Variants in AIG1 observed in about 807,000 individuals in gnomAD.
The protein encoded by AIG1 is androgen-induced gene 1 protein.
In AIG1, 23 loss-of-function variants were observed where a neutral mutation model predicts 31.4. The ratio of observed to expected loss-of-function variants is 0.73; its 90% confidence interval spans 0.53 to 1.04. AIG1 has a LOEUF of 1.04. Among genes scored for constraint, AIG1 ranks in the 50% least tolerant of loss-of-function variants. The probability of loss-of-function intolerance (pLI) is 0.00; values close to 1 mark genes in which losing one functional copy is unlikely to be tolerated. For missense variants in AIG1, 274 were observed against 295.0 expected (o/e 0.93, Z 0.52); for synonymous variants, 100 against 110.5 (o/e 0.90, Z 0.60).
chr6:143,078,166 A>AT (rs1196786284), intron 1 of AIG1, among the ~76,000 whole-genome samples: 3 of 152,060 alleles, frequency 2.0e-5, no homozygotes, highest in African/African-American at 7.3e-5. Context: ...CATCTAGTGG[A>AT]TTTTTAAATT....
intron 4 of AIG1, among the ~76,000 whole-genome samples, chr6:143,315,871 T>C (rs1238172292): frequency 6.6e-6 from 1 of 152,028 alleles, no homozygotes; most frequent in African/African-American, 2.4e-5. Context: ...ATTTAGTTTC[T>C]CAAAATATGA....
Position 143,284,259 on chromosome 6 carries a change from A to G in AIG1, c.515+34A>G. 4.0e-6 allele frequency: 6 copies of G among 1,515,850 alleles called. No homozygotes were observed. Among genetic ancestry groups the G allele is most frequent in the Non-Finnish European group, 5.5e-6 (6 of 1,096,922 alleles). The allele number at this position is 1,515,850 out of a possible 1,614,324, so 93.9% of individuals were successfully genotyped here. The stretch of plus-strand genomic sequence containing the variant: ...CATGCCTGCTGGGCTTTCTTATTGT[A>G]TTAGATTTTGCACTGCTAAATTTGG... On this transcript the variant is annotated intron_variant, in intron 4 of 5. Transcript: ENST00000357847. This position sits in a 1 kb window ranked among gnomAD's most constrained non-coding sequence, Gnocchi z 4.4.
At position 143,256,971 on chromosome 6, in the gene AIG1, A is replaced by G. The variant is rs1795414630; in HGVS notation, c.400-27139A>G. On this transcript the variant is annotated intron_variant, in intron 3 of 5. Transcript: ENST00000357847. The surrounding 1 kb of genome is among the most constrained non-coding windows in gnomAD (Gnocchi z 4.6). ...GAGGCTAGAAATCTTAAATGATATAATTGGCTTTGGAAGCATTTTTAAGCT... is the reference window on the plus strand; with the variant it reads ...GAGGCTAGAAATCTTAAATGATATAGTTGGCTTTGGAAGCATTTTTAAGCT... 1.3e-5 allele frequency among the ~76,000 whole-genome samples: 2 copies of G among 152,302 alleles called. No individual in the cohort carries two copies. The highest frequency in any genetic ancestry group is 1.9e-4 in the East Asian group (1 of 5,182).
chr6:143,176,350 A>G (rs1398054659), intron 3 of AIG1, among the ~76,000 whole-genome samples: 1 of 151,912 alleles, frequency 6.6e-6, no homozygotes, highest in Non-Finnish European at 1.5e-5. Context: ...AACTTACCCT[A>G]GGGTCGCCTT....
Position 143,327,657 on chromosome 6 carries a change from T to C in AIG1, c.516-5625T>C, listed in dbSNP as rs879650762. On this transcript the variant is annotated intron_variant, in intron 4 of 5. Transcript: ENST00000357847. The surrounding 1 kb of genome is among the most constrained non-coding windows in gnomAD (Gnocchi z 5.3). ...ATAGTCAATGTGGATGAGAACTAAC[T>C]GCTGATTGTCAAATACATCAAATAA... is the stretch of plus-strand genomic sequence containing the variant. 7.1e-5 allele frequency: 15 copies of C among 210,352 alleles called. No homozygotes were observed. The highest frequency in any genetic ancestry group is 1.1e-4 in the Non-Finnish European group (12 of 106,214). 13.0% of individuals were successfully genotyped at this position (210,352 alleles called of 1,614,324 possible).
intron 1 of AIG1, among the ~76,000 whole-genome samples, chr6:143,100,883 C>T (rs1171811815): frequency 1.3e-5 from 2 of 152,054 alleles, no homozygotes; most frequent in Non-Finnish European, 2.9e-5. Flanking sequence ...TGGGGTTTCA[C>T]CATGTTGGCC....
chr6:143,122,401 T>A (rs945413538), intron 1 of AIG1, among the ~76,000 whole-genome samples: 1 of 151,954 alleles, frequency 6.6e-6, no homozygotes, highest in African/African-American at 2.4e-5. Context: ...TTTGTAAGAA[T>A]AGAAAGGTAA....
chr6:143,157,544 C>A (rs1429432647), intron 2 of AIG1, among the ~76,000 whole-genome samples: 1 of 151,310 alleles, frequency 6.6e-6, no homozygotes, highest in Non-Finnish European at 1.5e-5. Context: ...TTATTTAGCA[C>A]CTAGTGTTTC....
In AIG1 at chr6:143,293,603, G is replaced by A. The variant is rs11753048; in HGVS notation, c.515+9378G>A. Among the ~76,000 whole-genome samples, 41,480 of 152,042 alleles carry A rather than the reference G, an allele frequency of 0.27. 7,338 individuals carry two copies. The highest frequency in any genetic ancestry group is 0.5 in the African/African-American group (20,638 of 41,404). ...ACCTGCATCTGGACAGAAAAGGCTT[G>A]TGTATATAATCTGTCTCAATCCCCA... On this transcript the variant is annotated intron_variant, in intron 4 of 5. Coordinates refer to ENST00000357847, the MANE Select transcript of AIG1 (RefSeq NM_016108.4). This position sits in a 1 kb window ranked among gnomAD's most constrained non-coding sequence, Gnocchi z 4.8.
intron 4 of AIG1, among the ~76,000 whole-genome samples, chr6:143,319,521 A>G (rs1281542919): frequency 6.6e-6 from 1 of 152,200 alleles, no homozygotes; most frequent in Admixed American, 6.5e-5. Flanking sequence ...GTTGGGTACA[A>G]TGTACACAGC....
At chr6:143,312,982 G>T (rs1041491991) in intron 4 of AIG1, among the ~76,000 whole-genome samples, 4 of 151,986 alleles carry the variant, frequency 2.6e-5, no homozygotes, top group Non-Finnish European at 5.9e-5. Context: ...CATTAGAGAA[G>T]TGCAAATCAA....
At chr6:143,296,185 C>G (rs930859894) in intron 4 of AIG1, among the ~76,000 whole-genome samples, 8 of 152,116 alleles carry the variant, frequency 5.3e-5, no homozygotes, top group African/African-American at 1.4e-4. Context: ...TGAATTTCAG[C>G]TTTATTGTCT....
intron 3 of AIG1, among the ~76,000 whole-genome samples, chr6:143,176,970 C>A (rs1394305482): frequency 6.6e-6 from 1 of 152,236 alleles, no homozygotes; most frequent in Non-Finnish European, 1.5e-5. Flanking sequence ...GTGGGAGCTG[C>A]AGGTTAGTCC....
At chr6:143,104,586 T>C (rs1780623942) in intron 1 of AIG1, among the ~76,000 whole-genome samples, 1 of 152,186 alleles carries the variant, frequency 6.6e-6, no homozygotes, top group Admixed American at 6.5e-5. Flanking sequence ...GTTTTAGTGC[T>C]GGATCAGAGA....
intron 1 of AIG1, among the ~76,000 whole-genome samples, chr6:143,085,307 G>A (rs541708469): frequency 6.6e-6 from 1 of 152,236 alleles, no homozygotes; most frequent in Non-Finnish European, 1.5e-5. Context: ...TTAGTCATAG[G>A]TGTCCTCTGT....
chr6:143,226,456 G>C (rs1390880199), intron 3 of AIG1, among the ~76,000 whole-genome samples: 1 of 151,814 alleles, frequency 6.6e-6, no homozygotes, highest in Non-Finnish European at 1.5e-5. Context: ...GTGTTGGCCA[G>C]GATGGTCTTG....
chr6:143,242,932 G>A (rs1225719050), intron 3 of AIG1, among the ~76,000 whole-genome samples: 1 of 152,158 alleles, frequency 6.6e-6, no homozygotes. Context: ...GGTTGCGTGT[G>A]GTTGTAGAAG....
chr6:143,060,395 A>G (rs1465227224), upstream of AIG1: 1 of 186,610 alleles, frequency 5.4e-6, no homozygotes, highest in African/African-American at 2.4e-5. Context: ...GCCAACTGCA[A>G]CTACCCCAGG....
At chr6:143,336,359 C>T (rs1777492543) in intron 5 of AIG1, among the ~76,000 whole-genome samples, 1 of 152,192 alleles carries the variant, frequency 6.6e-6, no homozygotes, top group South Asian at 2.1e-4. Flanking sequence ...CCGACCCTTT[C>T]CTTTCACCAA....
Sources: allele counts gnomAD v4.1 joint callset (sites outside exome capture counted in the v4.1 genomes callset), GRCh38; gene constraint gnomAD v4.1.1; non-coding constraint Gnocchi (gnomAD v3.1); transcripts MANE v1.5; gene names NCBI Gene and HGNC (gene_info 2026-07-23, HGNC 2026-07-21).